Variants in DYNC1LI1 observed in about 807,000 individuals in gnomAD.
The protein encoded by DYNC1LI1 is dynein cytoplasmic 1 light intermediate chain 1.
A neutral mutation model predicts 63.8 loss-of-function variants in DYNC1LI1; 19 were observed. That is an observed-to-expected ratio of 0.30 (90% CI 0.21 to 0.44). DYNC1LI1 has a LOEUF of 0.44. Ranked by LOEUF, DYNC1LI1 falls within the 20% of genes least tolerant of loss-of-function variation. The pLI is 1.00. For missense variants in DYNC1LI1, 565 were observed against 630.2 expected (o/e 0.90, Z 1.11); for synonymous variants, 225 against 232.3 (o/e 0.97, Z 0.28).
rs756376465 is a variant in DYNC1LI1 at position 32,541,114 on chromosome 3, C to T, written c.661G>A (p.Asp221Asn). Reference sequence around the variant, plus strand: ...GCACCCAGAGGTAAAACTACACTGTCATCTTTGTCTTCTTGTGACGCAGTA... The same window carrying T: ...GCACCCAGAGGTAAAACTACACTGTTATCTTTGTCTTCTTGTGACGCAGTA... The part of the protein sequence containing the change: ...RNTASQEDKD[D>N]SVVLPLGADT... Residue 221 changes from aspartate (D) to asparagine (N), a missense_variant, in exon 5 of 13, where the codon GAC becomes AAC. Transcript: ENST00000273130. 5 of 1,613,796 alleles carry T rather than the reference C, an allele frequency of 3.1e-6. No individual in the cohort carries two copies. Among genetic ancestry groups the T allele is most frequent in the Middle Eastern group, 1.7e-4 (1 of 6,060 alleles).
chr3:32,561,015 AAAAAAAAAAAAAAAAAAACAAAC>A (rs1698183887), intron 2 of DYNC1LI1, among the ~76,000 whole-genome samples: 1 of 109,816 alleles, frequency 9.1e-6, no homozygotes, highest in African/African-American at 3.6e-5. Context: ...AAAAAAAAAA[AAAAAAAAAAAAAAAAAAACAAAC>A]AAAAAAAACA....
chr3:32,538,980 G>A (rs1456330051), intron 5 of DYNC1LI1, among the ~76,000 whole-genome samples: 2 of 152,118 alleles, frequency 1.3e-5, no homozygotes, highest in African/African-American at 2.4e-5. Flanking sequence ...ATGACTCTAT[G>A]ACTCATTTGA....
In DYNC1LI1 at chr3:32,526,435, G is replaced by T. The variant is rs1697618591; in HGVS notation, c.*364C>A. 6.4e-6 allele frequency: 1 copy of T among 156,858 alleles called. No individual in the cohort carries two copies. Among genetic ancestry groups the T allele is most frequent in the African/African-American group, 2.4e-5 (1 of 41,566 alleles). The allele number at this position is 156,858 out of a possible 1,614,324, so 9.7% of individuals were successfully genotyped here. ...GCTTAGACTTCCAAGTCAGTCAAAT[G>T]CCCAAACTGCATGTTTTCTGCCGTT... On this transcript the variant is annotated 3_prime_UTR_variant, in exon 13 of 13. Coordinates refer to ENST00000273130, the MANE Select transcript of DYNC1LI1 (RefSeq NM_016141.4).
intron 2 of DYNC1LI1, among the ~76,000 whole-genome samples, chr3:32,551,855 T>C (rs1698047756): frequency 6.6e-6 from 1 of 152,176 alleles, no homozygotes; most frequent in Non-Finnish European, 1.5e-5. Flanking sequence ...ATTTGTTACC[T>C]AGGGTTCCTT....
Position 32,528,489 on chromosome 3 carries a change from A to G in DYNC1LI1, c.1419T>C (p.Ala473=). 1 of 1,614,194 alleles carries G rather than the reference A, an allele frequency of 6.2e-7. No homozygotes were observed. Among genetic ancestry groups the G allele is most frequent in the Non-Finnish European group, 8.5e-7 (1 of 1,180,024 alleles). The change falls in exon 12 of 13, where the codon GCT becomes GCC. Residue 473 remains alanine, a synonymous_variant. Transcript: ENST00000273130. ...GVSGGSPAGG[A]GGGSSGLPPS... ...GTGGTAAACCACTGCTTCCACCTCC[A>G]GCCCCACCTGCAGGGCTACCACCAC...
At chr3:32,540,825 A>C (rs1697870690) in intron 5 of DYNC1LI1, among the ~76,000 whole-genome samples, 1 of 152,226 alleles carries the variant, frequency 6.6e-6, no homozygotes, top group Non-Finnish European at 1.5e-5. Context: ...TTCAATCACA[A>C]GTATTTGAAA....
chr3:32,541,988 T>C (rs1278433794), intron 4 of DYNC1LI1, among the ~76,000 whole-genome samples: 2 of 152,098 alleles, frequency 1.3e-5, no homozygotes, highest in Non-Finnish European at 2.9e-5. Context: ...TACACAACCA[T>C]AAGATGTCAA....
intron 6 of DYNC1LI1, 127 bp from the exon 7 acceptor site, chr3:32,534,773 A>G (rs1697752476): frequency 1.5e-6 from 1 of 649,298 alleles, no homozygotes; most frequent in Non-Finnish European, 2.4e-6. Flanking sequence ...AAGGTATATT[A>G]TATGGTAATC....
Position 32,542,432 on chromosome 3 carries a change from T to G in DYNC1LI1, c.569-1226A>C, listed in dbSNP as rs4955298. ...AATTTTTTTTTTTTTTTTTTTGAGA[T>G]GGAGGCTCACTGTGTCACCAGGCTG... On this transcript the variant is annotated intron_variant, in intron 4 of 12. Coordinates refer to ENST00000273130, the MANE Select transcript of DYNC1LI1 (RefSeq NM_016141.4). 8.0e-3 allele frequency among the ~76,000 whole-genome samples: 1,141 copies of G among 143,516 alleles called. 32 individuals carry two copies. Among genetic ancestry groups the G allele is most frequent in the Admixed American group, 0.048 (665 of 13,736 alleles). The allele number at this position is 143,516 out of a possible 152,430, so 94.2% of individuals were successfully genotyped here.
Position 32,529,756 on chromosome 3 carries a change from C to G in DYNC1LI1, c.1186-96G>C, listed in dbSNP as rs995976694. 3.9e-6 allele frequency: 4 copies of G among 1,021,234 alleles called. No homozygotes were observed. In the African/African-American group the frequency reaches 6.4e-5, roughly 16 times the overall value. 63.3% of individuals were successfully genotyped at this position (1,021,234 alleles called of 1,614,324 possible). A position where few individuals can be genotyped will look rare whatever the true frequency, so the allele number is the denominator to read the frequency against. On this transcript the variant is annotated intron_variant, in intron 10 of 12. Transcript: ENST00000273130. The stretch of plus-strand genomic sequence containing the variant: ...AAAGAAATTACTTTGCAACTATCCC[C>G]TGTTCTACTGGTACTTTTACACTGC...
intron 2 of DYNC1LI1, among the ~76,000 whole-genome samples, chr3:32,564,009 C>T (rs1339037047): frequency 6.6e-6 from 1 of 152,218 alleles, no homozygotes; most frequent in Admixed American, 6.5e-5. Context: ...CGCCAATAAT[C>T]CCCTAACACA....
chr3:32,566,176 G>A (rs958995640), intron 2 of DYNC1LI1, among the ~76,000 whole-genome samples: 3 of 152,066 alleles, frequency 2.0e-5, no homozygotes. Flanking sequence ...GGAGGCTGAG[G>A]CAGGAGGACG....
At chr3:32,546,124 T>C (rs183766432) in intron 2 of DYNC1LI1, among the ~76,000 whole-genome samples, 159 bp from the exon 3 acceptor site, 1 of 152,256 alleles carries the variant, frequency 6.6e-6, no homozygotes, top group Admixed American at 6.5e-5. Flanking sequence ...ACATGCAGAC[T>C]TGGCTGGGCA....
At chr3:32,540,625 G>A (rs1697867079) in intron 5 of DYNC1LI1, among the ~76,000 whole-genome samples, 1 of 148,656 alleles carries the variant, frequency 6.7e-6, no homozygotes, top group East Asian at 2.0e-4. Flanking sequence ...AGGTTGCAGT[G>A]AGCCGAGATT....
chr3:32,528,962 A>T (rs1028352232), intron 11 of DYNC1LI1, among the ~76,000 whole-genome samples: 3 of 152,240 alleles, frequency 2.0e-5, no homozygotes, highest in Non-Finnish European at 4.4e-5. Flanking sequence ...GAAAACCGGT[A>T]GAAGTTGCCA....
At chr3:32,537,670 A>G (rs1697792918) in intron 5 of DYNC1LI1, among the ~76,000 whole-genome samples, 1 of 151,040 alleles carries the variant, frequency 6.6e-6, no homozygotes, top group Admixed American at 6.7e-5. Flanking sequence ...TGTACAATCA[A>G]TGAGACAATT....
In DYNC1LI1 at chr3:32,545,686, C is replaced by G; in HGVS notation, c.337+163G>C. The G allele has an allele frequency of 4.7e-6, 3 of 644,112 alleles. No individual in the cohort carries two copies. The South Asian group carries it at 5.4e-5, about 12-fold the overall frequency. 39.9% of individuals were successfully genotyped at this position (644,112 alleles called of 1,614,324 possible). A position where few individuals can be genotyped will look rare whatever the true frequency, so the allele number is the denominator to read the frequency against. On this transcript the variant is annotated intron_variant, in intron 3 of 12. Coordinates refer to ENST00000273130, the MANE Select transcript of DYNC1LI1 (RefSeq NM_016141.4). Reference sequence around the variant, plus strand: ...AAAAGTATCATATATGAATCCCAATCCCAAATTAATAAAAGTATGGCTAAA... The same window carrying G: ...AAAAGTATCATATATGAATCCCAATGCCAAATTAATAAAAGTATGGCTAAA...
chr3:32,565,566 A>G (rs965823887), intron 2 of DYNC1LI1, among the ~76,000 whole-genome samples: 1 of 152,126 alleles, frequency 6.6e-6, no homozygotes, highest in Non-Finnish European at 1.5e-5. Flanking sequence ...CTTTAGGGAG[A>G]TTCTATAGAT....
intron 2 of DYNC1LI1, chr3:32,566,504 G>A (rs1698261403): frequency 5.2e-6 from 1 of 193,324 alleles, no homozygotes; most frequent in African/African-American, 2.4e-5. Flanking sequence ...ACTTTGGGAG[G>A]CCAAGGCGGG....
Sources: allele counts gnomAD v4.1 joint callset (sites outside exome capture counted in the v4.1 genomes callset), GRCh38; gene constraint gnomAD v4.1.1; transcripts MANE v1.5; gene names NCBI Gene and HGNC (gene_info 2026-07-23, HGNC 2026-07-21).